The following IARS1 variants were observed in gnomAD, a reference collection of about 807,000 sequenced individuals.
IARS1 encodes isoleucine--tRNA ligase, cytoplasmic.
IARS1 carries 124 observed loss-of-function variants against 168.2 expected under a neutral mutation model. The observed-to-expected ratio is 0.74, with a 90% confidence interval of 0.64 to 0.86. IARS1 has a LOEUF of 0.86. IARS1 is among the 40% of genes least tolerant of loss of function. The pLI is 0.00. For missense variants in IARS1, 1,452 were observed against 1,515.8 expected (o/e 0.96, Z 0.70); for synonymous variants, 532 against 529.4 (o/e 1.00, Z -0.07).
chr9:92,221,544 A>G (rs982211115), intron 33 of IARS1, among the ~76,000 whole-genome samples: 10 of 152,234 alleles, frequency 6.6e-5, no homozygotes, highest in African/African-American at 2.4e-4. Context: ...GATGTGTAGC[A>G]GGATTACAGA....
chr9:92,282,858 A>AT (rs1267921507), intron 6 of IARS1, among the ~76,000 whole-genome samples: 68 of 141,120 alleles, frequency 4.8e-4, no homozygotes, highest in African/African-American at 1.1e-3. Context: ...ATATATATAT[A>AT]TATTTTTTTT....
In IARS1 at chr9:92,258,939, C is replaced by G. The variant is rs1222302211; in HGVS notation, c.1931G>C (p.Gly644Ala). 1 of 1,613,814 alleles carries G rather than the reference C, an allele frequency of 6.2e-7. No homozygotes were observed. Residue 644 changes from glycine (G) to alanine (A), a missense_variant, in exon 19 of 34, where the codon GGT (glycine) becomes GCT (alanine). Gly to Ala is a moderately conservative substitution (Grantham distance 60). Transcript: ENST00000443024. ...RAENLRFKEE[G>A]VRDVLKDVLL... ...TACATCCTTAAGGACGTCCCGCACA[C>G]CCTCTTCTTTAAAGCGGAGGTTTTC...
intron 19 of IARS1, among the ~76,000 whole-genome samples, chr9:92,258,459 G>A (rs954350593): frequency 1.3e-5 from 2 of 152,200 alleles, no homozygotes; most frequent in East Asian, 3.9e-4. Context: ...AGCCAGGCAT[G>A]GTGGTGGGTG....
chr9:92,211,689 A>G (rs2133295403), intron 33 of IARS1, among the ~76,000 whole-genome samples: 2 of 152,294 alleles, frequency 1.3e-5, no homozygotes, highest in Middle Eastern at 3.4e-3. Context: ...GATACTTCCT[A>G]TGTCTACAAA....
intron 19 of IARS1, among the ~76,000 whole-genome samples, chr9:92,257,424 C>G (rs1830877120): frequency 2.6e-5 from 4 of 152,164 alleles, no homozygotes; most frequent in Admixed American, 2.6e-4. Flanking sequence ...TCAGATGGGC[C>G]CTGGCTGTGG....
At position 92,251,801 on chromosome 9, in the gene IARS1, A is replaced by G; in HGVS notation, c.2307+7T>C. On this transcript the variant is annotated splice_region_variant and intron_variant, in intron 22 of 33. Coordinates refer to ENST00000443024, the MANE Select transcript of IARS1 (RefSeq NM_002161.6). ...AAAGGGTACTAGAAAGAAGCCAATC[A>G]TCTTACCATAAGTCTGCAAAGAGAA... 1 of 1,611,310 alleles carries G rather than the reference A, an allele frequency of 6.2e-7. No individual in the cohort carries two copies. Among genetic ancestry groups the G allele is most frequent in the Non-Finnish European group, 8.5e-7 (1 of 1,177,430 alleles).
In IARS1 at chr9:92,222,587, T is replaced by C; in HGVS notation, c.3639A>G (p.Glu1213=). Residue 1213 remains glutamate, a synonymous_variant, in exon 33 of 34, where the codon GAA becomes GAG. Transcript: ENST00000443024. ...NGLTHQGLLY[E]AAKVFGLRSR... Reference sequence around the variant, plus strand: ...TCCGAAGGCCAAACACCTTGGCTGCTTCATACAGAAGACCTTGGTGGGTGA... The same window carrying C: ...TCCGAAGGCCAAACACCTTGGCTGCCTCATACAGAAGACCTTGGTGGGTGA... 1.2e-6 allele frequency: 2 copies of C among 1,614,126 alleles called. No homozygotes were observed. Among genetic ancestry groups the C allele is most frequent in the Non-Finnish European group, 1.7e-6 (2 of 1,180,012 alleles).
At chr9:92,221,132 A>C (rs1033985550) in intron 33 of IARS1, among the ~76,000 whole-genome samples, 5 of 152,314 alleles carry the variant, frequency 3.3e-5, no homozygotes, top group Non-Finnish European at 7.3e-5. Flanking sequence ...GCAGAGGAAC[A>C]AGGGTAAGAT....
intron 22 of IARS1, among the ~76,000 whole-genome samples, chr9:92,251,379 T>C (rs1488568737): frequency 6.6e-6 from 1 of 152,234 alleles, no homozygotes; most frequent in Non-Finnish European, 1.5e-5. Context: ...TAAGAACATA[T>C]ATCAAACAAT....
chr9:92,270,099 T>C (rs1375430896), intron 12 of IARS1, 116 bp from the exon 13 acceptor site: 1 of 592,792 alleles, frequency 1.7e-6, no homozygotes, highest in Non-Finnish European at 3.1e-6. Context: ...CTTCTGCTAA[T>C]ATTCATTTTT....
At chr9:92,260,587 A>G (rs1274047784) in intron 17 of IARS1, among the ~76,000 whole-genome samples, 2 of 152,158 alleles carry the variant, frequency 1.3e-5, no homozygotes, top group African/African-American at 2.4e-5. Flanking sequence ...CCTGAGAGGC[A>G]GAGATTGAAG....
intron 33 of IARS1, among the ~76,000 whole-genome samples, chr9:92,218,737 G>A (rs1587693331): frequency 4.4e-4 from 53 of 120,682 alleles, no homozygotes; most frequent in South Asian, 1.4e-3. Flanking sequence ...CCTCTTCAAG[G>A]AGAACTACAA....
intron 33 of IARS1, among the ~76,000 whole-genome samples, chr9:92,220,620 AAAAC>A (rs111465873): frequency 1.0e-3 from 153 of 150,968 alleles, no homozygotes; most frequent in Middle Eastern, 3.4e-3. Flanking sequence ...ACTCTGTCTC[AAAAC>A]AAACAAACAA....
rs755841216 is a variant in IARS1 at position 92,244,972 on chromosome 9, T to C, written c.2891A>G (p.His964Arg). Reference sequence around the variant, plus strand: ...ACAGAAAAATACCTGAGCATCTGAGTGTGCTTCAAATTGCGCAGTCCCACC... The same window carrying C: ...ACAGAAAAATACCTGAGCATCTGAGCGTGCTTCAAATTGCGCAGTCCCACC... ...ATGGTAQFEA[H>R]SDAQALVLLD... The change falls in exon 27 of 34, where the codon CAC becomes CGC. Residue 964 changes from histidine to arginine, a missense_variant. Coordinates refer to ENST00000443024, the MANE Select transcript of IARS1 (RefSeq NM_002161.6). 3 of 1,613,760 alleles carry C rather than the reference T, an allele frequency of 1.9e-6. No homozygotes were observed. Among genetic ancestry groups the C allele is most frequent in the Non-Finnish European group, 1.7e-6 (2 of 1,179,674 alleles).
chr9:92,214,298 G>C (rs1022654157), intron 33 of IARS1, among the ~76,000 whole-genome samples: 1 of 151,652 alleles, frequency 6.6e-6, no homozygotes. Flanking sequence ...GCTCACCCCC[G>C]TAATCCCAGC....
chr9:92,246,187 T>A (rs1829173450), intron 26 of IARS1, among the ~76,000 whole-genome samples: 1 of 152,226 alleles, frequency 6.6e-6, no homozygotes, highest in East Asian at 1.9e-4. Context: ...TAATTAGTAA[T>A]AACTTGAGGT....
chr9:92,282,862 T>TATATATATATATATATATATATA (rs1564187774), intron 6 of IARS1, among the ~76,000 whole-genome samples: 1 of 126,288 alleles, frequency 7.9e-6, no homozygotes, highest in African/African-American at 2.7e-5. Context: ...ATATATATAT[T>TATATATATATATATATATATATA]TTTTTTTTTT....
At chr9:92,282,304 T>C (rs1181875981) in intron 6 of IARS1, among the ~76,000 whole-genome samples, 18 of 151,986 alleles carry the variant, frequency 1.2e-4, no homozygotes, top group Admixed American at 1.2e-3. Flanking sequence ...TTAATTTTTT[T>C]CTTTTCTTTT....
At chr9:92,233,246 A>G (rs1826988318) in intron 30 of IARS1, among the ~76,000 whole-genome samples, 1 of 152,264 alleles carries the variant, frequency 6.6e-6, no homozygotes, top group Non-Finnish European at 1.5e-5. Flanking sequence ...TATCAGTCAT[A>G]ATTCTAGTTA....
Sources: allele counts gnomAD v4.1 joint callset (sites outside exome capture counted in the v4.1 genomes callset), GRCh38; gene constraint gnomAD v4.1.1; transcripts MANE v1.5; gene names NCBI Gene and HGNC (gene_info 2026-07-23, HGNC 2026-07-21).